NCOA1: variants seen among roughly 807,000 people sequenced by gnomAD.
NCOA1 encodes the protein nuclear receptor coactivator 1, also known as Hin-2 protein.
Under a neutral mutation model 150.9 loss-of-function variants are expected in NCOA1, and 35 were observed. The ratio of observed to expected loss-of-function variants is 0.23; its 90% CI spans 0.18 to 0.31. The LOEUF is 0.31. NCOA1 is among the 10% of genes least tolerant of loss of function. NCOA1 has a pLI of 1.00. For missense variants in NCOA1, 1,491 were observed against 1,749.3 expected (o/e 0.85, Z 2.63); for synonymous variants, 590 against 630.0 (o/e 0.94, Z 0.95).
chr2:24,712,840 A>G (rs947372839), intron 14 of NCOA1, among the ~76,000 whole-genome samples: 1 of 152,116 alleles, frequency 6.6e-6, no homozygotes, highest in Non-Finnish European at 1.5e-5. Context: ...TTCCAGAAAG[A>G]ACAAAAAGAT....
At chr2:24,739,376 G>A in intron 17 of NCOA1, 56 bp from the exon 18 acceptor site, 1 of 1,229,766 alleles carries the variant, frequency 8.1e-7, no homozygotes, top group Non-Finnish European at 1.2e-6. Flanking sequence ...TACTTTATAA[G>A]GCCCGTGTTA....
intron 1 of NCOA1, among the ~76,000 whole-genome samples, chr2:24,521,617 TTATC>T (rs1664419523): frequency 6.6e-6 from 1 of 152,212 alleles, no homozygotes; most frequent in Non-Finnish European, 1.5e-5. Context: ...CACAGTTTCT[TTATC>T]TATTAGTCCA....
chr2:24,615,786 T>C (rs1163785068), intron 3 of NCOA1, among the ~76,000 whole-genome samples: 1 of 152,132 alleles, frequency 6.6e-6, no homozygotes, highest in African/African-American at 2.4e-5. Context: ...AGCCAAACCA[T>C]TGCAGATGAG....
rs564187422 is a variant in NCOA1, at chr2:24,686,971, C to G, written c.532+3843C>G. Among the ~76,000 whole-genome samples, 4 of 151,566 alleles carry G rather than the reference C, an allele frequency of 2.6e-5. No individual in the cohort carries two copies. In the East Asian group the frequency reaches 7.8e-4, roughly 29 times the overall value. The stretch of plus-strand genomic sequence containing the variant: ...TTCACATCTCAGAAAGTGTTTTGTA[C>G]AACTTAGATATACTGACCACCATAA... On this transcript the variant is annotated intron_variant, in intron 8 of 22. Coordinates refer to ENST00000348332, the MANE Select transcript of NCOA1 (RefSeq NM_003743.5).
At chr2:24,566,021 C>A (rs1666490336) in intron 2 of NCOA1, among the ~76,000 whole-genome samples, 1 of 152,190 alleles carries the variant, frequency 6.6e-6, no homozygotes, top group Non-Finnish European at 1.5e-5. Context: ...CTCCTCTTCT[C>A]ACCCACAACG....
chr2:24,639,916 G>GAA (rs1670112846), intron 3 of NCOA1, among the ~76,000 whole-genome samples: 1 of 29,738 alleles, frequency 3.4e-5, no homozygotes, highest in African/African-American at 6.5e-5. Flanking sequence ...ATGTGTGTGT[G>GAA]TATATATATA....
chr2:24,681,347 A>G (rs1470916501), intron 7 of NCOA1, among the ~76,000 whole-genome samples: 1 of 152,046 alleles, frequency 6.6e-6, no homozygotes, highest in Non-Finnish European at 1.5e-5. Flanking sequence ...AAAAAAAAGG[A>G]AAAGAAAAAA....
intron 3 of NCOA1, among the ~76,000 whole-genome samples, chr2:24,598,703 C>A (rs1667983913): frequency 1.3e-5 from 2 of 151,888 alleles, no homozygotes; most frequent in African/African-American, 4.8e-5. Flanking sequence ...CAAAAAACTT[C>A]TAGGAGTTAA....
At chr2:24,730,217 A>G (rs549999624) in intron 17 of NCOA1, among the ~76,000 whole-genome samples, 4 of 152,284 alleles carry the variant, frequency 2.6e-5, no homozygotes, top group Admixed American at 2.6e-4. Context: ...TAAAAGTGTC[A>G]AGTCCACTCC....
chr2:24,678,429 G>A (rs1672018833), intron 7 of NCOA1, among the ~76,000 whole-genome samples: 2 of 152,138 alleles, frequency 1.3e-5, no homozygotes, highest in South Asian at 4.1e-4. Flanking sequence ...GGGTCATATG[G>A]TATTTCTGCC....
chr2:24,521,873 C>CATGG (rs1664431124), intron 1 of NCOA1, among the ~76,000 whole-genome samples: 1 of 152,108 alleles, frequency 6.6e-6, no homozygotes, highest in Admixed American at 6.5e-5. Flanking sequence ...CCCTTTGCTC[C>CATGG]ACATCCTTGC....
chr2:24,751,001 T>TA (rs1370762394), intron 19 of NCOA1, among the ~76,000 whole-genome samples: 1 of 151,618 alleles, frequency 6.6e-6, no homozygotes, highest in Non-Finnish European at 1.5e-5. Flanking sequence ...TTTTCTTTTT[T>TA]TTTTTTGACA....
chr2:24,674,762 T>A (rs866377138), intron 7 of NCOA1, among the ~76,000 whole-genome samples: 2 of 146,816 alleles, frequency 1.4e-5, no homozygotes, highest in Non-Finnish European at 1.5e-5. Context: ...CATTTTTTTT[T>A]AAGCTCATTT....
At chr2:24,686,603 A>T (rs745396354) in intron 8 of NCOA1, among the ~76,000 whole-genome samples, 6 of 152,210 alleles carry the variant, frequency 3.9e-5, no homozygotes, top group South Asian at 2.1e-4. Context: ...TCCACAGAGT[A>T]TTCAGGACCT....
At chr2:24,751,587 GAA>G (rs146081421) in intron 19 of NCOA1, among the ~76,000 whole-genome samples, 6 of 138,144 alleles carry the variant, frequency 4.3e-5, no homozygotes, top group Non-Finnish European at 4.7e-5. Context: ...CATCTCGGGG[GAA>G]AAAAAAAAAA....
At position 24,769,560 on chromosome 2, in the gene NCOA1, C is replaced by G. The variant is rs1426683496; in HGVS notation, c.*1169C>G. On this transcript the variant is annotated 3_prime_UTR_variant, in exon 23 of 23. Coordinates refer to ENST00000348332, the MANE Select transcript of NCOA1 (RefSeq NM_003743.5). ...CATCTGAACAGAAGTGCACAGGCTACTTGTACAGAGAAAAAATTAATACTC... is the reference window on the plus strand; with the variant it reads ...CATCTGAACAGAAGTGCACAGGCTAGTTGTACAGAGAAAAAATTAATACTC... The G allele has an allele frequency of 4.9e-6, 1 of 202,874 alleles. No individual in the cohort carries two copies. The highest frequency in any genetic ancestry group is 1.0e-5 in the Non-Finnish European group (1 of 98,542). 12.6% of individuals were successfully genotyped at this position (202,874 alleles called of 1,614,324 possible). A position where few individuals can be genotyped will look rare whatever the true frequency, so the allele number is the denominator to read the frequency against.
At position 24,573,664 on chromosome 2, in the gene NCOA1, T is replaced by G. The variant is rs1047999919; in HGVS notation, c.-260+9234T>G. 5.9e-5 allele frequency among the ~76,000 whole-genome samples: 9 copies of G among 152,106 alleles called. No homozygotes were observed. The East Asian group carries it at 1.7e-3, about 29-fold the overall frequency. On this transcript the variant is annotated intron_variant, in intron 2 of 22. Coordinates refer to ENST00000348332, the MANE Select transcript of NCOA1 (RefSeq NM_003743.5). ...ACATTTTAAAAAATCAATTTTAGAT[T>G]AAACCACAAAGGAAAATCTCAGTAA...
At chr2:24,552,338 T>C (rs1226946240) in intron 1 of NCOA1, among the ~76,000 whole-genome samples, 2 of 19,976 alleles carry the variant, frequency 1.0e-4, no homozygotes, top group Non-Finnish European at 2.2e-4. Context: ...TATATATATA[T>C]ATATATATAT....
At chr2:24,554,735 C>T (rs779809019) in intron 1 of NCOA1, among the ~76,000 whole-genome samples, 1 of 152,038 alleles carries the variant, frequency 6.6e-6, no homozygotes, top group Non-Finnish European at 1.5e-5. Context: ...GGGGGATTCT[C>T]GATGTTCTCC....
Sources: gnomAD v4.1 joint callset for allele counts (sites outside exome capture counted in the v4.1 genomes callset) on GRCh38, gnomAD v4.1.1 for gene constraint, MANE v1.5 for transcripts, NCBI Gene and HGNC (gene_info 2026-07-23, HGNC 2026-07-21) for gene names.